The following TCF4 variants were observed in gnomAD, a reference collection of about 807,000 sequenced individuals.
TCF4 encodes the protein SL3-3 enhancer factor 2.
A neutral mutation model predicts 82.1 loss-of-function variants in TCF4; 3 were observed. The ratio of observed to expected loss-of-function variants is 0.04; its 90% CI spans 0.02 to 0.09. The LOEUF is 0.09. Among genes scored for constraint, TCF4 ranks in the 10% least tolerant of loss-of-function variants. The pLI is 1.00. For synonymous variants in TCF4, 276 were observed against 309.6 expected, an observed-to-expected ratio of 0.89 and a Z score of 1.14; for missense variants, 518 against 852.7, an observed-to-expected ratio of 0.61 and a Z score of 4.89.
intron 13 of TCF4, among the ~76,000 whole-genome samples, chr18:55,258,515 T>C (rs1298170783): frequency 1.3e-5 from 2 of 152,180 alleles, no homozygotes; most frequent in Non-Finnish European, 2.9e-5. Context: ...ACCAGATTTT[T>C]GTCCAAGCTC....
At chr18:55,256,559 C>G (rs1184780096) in intron 14 of TCF4, among the ~76,000 whole-genome samples, 1 of 152,066 alleles carries the variant, frequency 6.6e-6, no homozygotes, top group East Asian at 1.9e-4. Context: ...GAATATAAGA[C>G]AACACTAAAG....
chr18:55,300,790 T>G (rs2068005038), intron 8 of TCF4, among the ~76,000 whole-genome samples: 1 of 152,020 alleles, frequency 6.6e-6, no homozygotes, highest in South Asian at 2.1e-4. Flanking sequence ...TTGCAGGTCT[T>G]GCCGGGCTGC....
intron 3 of TCF4, among the ~76,000 whole-genome samples, chr18:55,498,802 C>A (rs947816807): frequency 6.6e-6 from 1 of 152,166 alleles, no homozygotes; most frequent in Non-Finnish European, 1.5e-5. Context: ...ACACGTAAGA[C>A]AGGAGAGAAA....
At chr18:55,228,740 G>A (rs531350523) in intron 18 of TCF4, 107 bp downstream of exon 18, 2 of 1,144,486 alleles carry the variant, frequency 1.7e-6, no homozygotes, top group African/African-American at 1.5e-5. Context: ...TTGGAATGAT[G>A]CTTGAAAGTC....
At chr18:55,395,698 A>T (rs1380101405) in intron 6 of TCF4, among the ~76,000 whole-genome samples, 1 of 151,940 alleles carries the variant, frequency 6.6e-6, no homozygotes, top group African/African-American at 2.4e-5. Flanking sequence ...CAATAATGTG[A>T]TCTATAATGA....
intron 6 of TCF4, among the ~76,000 whole-genome samples, chr18:55,394,315 C>A (rs903251020): frequency 6.6e-6 from 1 of 152,132 alleles, no homozygotes; most frequent in African/African-American, 2.4e-5. Flanking sequence ...TGCCTAATAA[C>A]CTCAATGATA....
chr18:55,404,155 A>G, intron 5 of TCF4: 1 of 481,366 alleles, frequency 2.1e-6, no homozygotes, highest in Non-Finnish European at 2.9e-6. Context: ...AGGACAAGGG[A>G]TCATGGAATG....
At chr18:55,310,593 A>C (rs762099359) in intron 8 of TCF4, among the ~76,000 whole-genome samples, 13 of 152,192 alleles carry the variant, frequency 8.5e-5, no homozygotes, top group Non-Finnish European at 1.6e-4. Flanking sequence ...CATTGAGGAG[A>C]AGCGCAGCAG....
intron 3 of TCF4, among the ~76,000 whole-genome samples, chr18:55,569,518 C>G (rs1412357037): frequency 6.6e-6 from 1 of 151,458 alleles, no homozygotes; most frequent in East Asian, 1.9e-4. Context: ...GCACTCCAGC[C>G]CGGGCAACAG....
intron 3 of TCF4, among the ~76,000 whole-genome samples, chr18:55,492,734 C>T (rs1297461360): frequency 6.6e-6 from 1 of 152,148 alleles, no homozygotes; most frequent in Non-Finnish European, 1.5e-5. Flanking sequence ...GCACAGGATT[C>T]TTGGAAATGT....
chr18:55,410,197 T>A (rs1455054428), intron 5 of TCF4, among the ~76,000 whole-genome samples: 1 of 152,160 alleles, frequency 6.6e-6, no homozygotes, highest in Non-Finnish European at 1.5e-5. Context: ...GCATTAACTC[T>A]CTCTTCCGCT....
intron 5 of TCF4, among the ~76,000 whole-genome samples, chr18:55,419,859 G>A (rs368365245): frequency 6.6e-6 from 1 of 152,156 alleles, no homozygotes; most frequent in Non-Finnish European, 1.5e-5. Context: ...CACTGGCTTC[G>A]CTGCCCACAA....
chr18:55,322,425 G>GAAAAAAAAAAAAAAAAAAAA (rs967879627), intron 8 of TCF4: 1 of 554,220 alleles, frequency 1.8e-6, no homozygotes, highest in African/African-American at 3.8e-5. Flanking sequence ...GGGGAGGGAA[G>GAAAAAAAAAAAAAAAAAAAA]AAAAAAAAAA....
At chr18:55,612,180 T>C (rs1011176181) in intron 2 of TCF4, among the ~76,000 whole-genome samples, 2 of 152,216 alleles carry the variant, frequency 1.3e-5, no homozygotes, top group African/African-American at 2.4e-5. Context: ...GTAGCACAGA[T>C]GGCTAGAGCC....
At chr18:55,492,917 A>G (rs1164019625) in intron 3 of TCF4, among the ~76,000 whole-genome samples, 1 of 152,196 alleles carries the variant, frequency 6.6e-6, no homozygotes, top group African/African-American at 2.4e-5. Flanking sequence ...AGAGGGTAAG[A>G]GAAGGAGACA....
In TCF4 at chr18:55,490,613, C is replaced by A. The variant is rs867193303; in HGVS notation, c.146-26476G>T. On this transcript the variant is annotated intron_variant, in intron 3 of 19. Coordinates refer to ENST00000354452, the MANE Select transcript of TCF4 (RefSeq NM_001083962.2). ...TTAGATAGTTTGATTTAGAATGGAG[C>A]AAAAAAAAAAAGAAACTGAATAATC... is the stretch of plus-strand genomic sequence containing the variant. Among the ~76,000 whole-genome samples, 176 of 139,330 alleles carry A rather than the reference C, an allele frequency of 1.3e-3. 1 individual carries two copies. Among genetic ancestry groups the A allele is most frequent in the African/African-American group, 4.4e-3 (167 of 37,802 alleles). 91.4% of individuals were successfully genotyped at this position (139,330 alleles called of 152,430 possible). A position where few individuals can be genotyped will look rare whatever the true frequency, so the allele number is the denominator to read the frequency against.
chr18:55,480,236 G>A (rs1413853196), intron 3 of TCF4, among the ~76,000 whole-genome samples: 4 of 118,238 alleles, frequency 3.4e-5, no homozygotes, highest in Non-Finnish European at 6.5e-5. Flanking sequence ...CAGATAACAA[G>A]GAAAATGTTA....
At chr18:55,596,165 G>A in intron 2 of TCF4, 1 of 428,478 alleles carries the variant, frequency 2.3e-6, no homozygotes. Context: ...GGGAGGTGGA[G>A]GTTGCAGTGA....
Position 55,435,212 on chromosome 18 carries a change from G to A in TCF4, c.304+25807C>T, listed in dbSNP as rs1006550710. Among the ~76,000 whole-genome samples the A allele has an allele frequency of 4.6e-5, 7 of 152,164 alleles. No individual in the cohort carries two copies. The South Asian group carries it at 6.2e-4, about 14-fold the overall frequency. On this transcript the variant is annotated intron_variant, in intron 5 of 19. Coordinates refer to ENST00000354452, the MANE Select transcript of TCF4 (RefSeq NM_001083962.2). Reference sequence around the variant, plus strand: ...CCAATGCCTGATGCAATGTGAGTGAGCAATAAATATAAATGATAGGTAACC... The same window carrying A: ...CCAATGCCTGATGCAATGTGAGTGAACAATAAATATAAATGATAGGTAACC...
Sources: gnomAD v4.1 joint callset for allele counts (sites outside exome capture counted in the v4.1 genomes callset) on GRCh38, gnomAD v4.1.1 for gene constraint, MANE v1.5 for transcripts, NCBI Gene and HGNC (gene_info 2026-07-23, HGNC 2026-07-21) for gene names.